Variants in ZPBP observed in about 807,000 individuals in gnomAD.
The protein encoded by ZPBP is zona pellucida-binding protein 1.
ZPBP carries 26 observed loss-of-function variants against 44.8 expected under a neutral mutation model. The observed-to-expected ratio is 0.58, with a 90% CI of 0.43 to 0.81. ZPBP has a LOEUF of 0.81. ZPBP is among the 30% of genes least tolerant of loss of function. The pLI, the probability that ZPBP is intolerant of heterozygous loss-of-function variation, is 0.00. For missense variants in ZPBP, 409 were observed against 434.0 expected, an observed-to-expected ratio of 0.94 and a Z score of 0.51; for synonymous variants, 174 against 153.2, an observed-to-expected ratio of 1.14 and a Z score of -1.00.
chr7:50,015,160 TGAA>T lies in ZPBP; in HGVS notation c.783+3077_783+3079del, dbSNP rs1334609489. On this transcript the variant is annotated intron_variant, in intron 6 of 7. Transcript: ENST00000046087. Reference sequence around the variant, plus strand: ...CAAACCAAATAAGAAACTTCTGTGCTGAAGAAGAAAGAAAGATAAACATATTGC... The same window carrying T: ...CAAACCAAATAAGAAACTTCTGTGCTGAAGAAAGAAAGATAAACATATTGC... 3.9e-5 allele frequency among the ~76,000 whole-genome samples: 6 copies of T among 151,968 alleles called. No homozygotes were observed. The South Asian group carries it at 1.0e-3, about 26-fold the overall frequency.
At chr7:49,921,503 A>G (rs1486593461) in intron 1 of ZPBP, 3 of 152,188 alleles carry the variant, frequency 2.0e-5, no homozygotes, top group Non-Finnish European at 1.5e-5. Flanking sequence ...CTGGTTATTT[A>G]TCAGGTACAC....
At chr7:49,923,038 CAACTT>C (rs1442283355) in intron 1 of ZPBP, among the ~76,000 whole-genome samples, 2 of 151,986 alleles carry the variant, frequency 1.3e-5, no homozygotes, top group Non-Finnish European at 2.9e-5. Context: ...AGATTAGAAA[CAACTT>C]AAGAGAAAAG....
intron 7 of ZPBP, among the ~76,000 whole-genome samples, chr7:49,958,640 A>G (rs1395725203): frequency 2.0e-5 from 3 of 152,196 alleles, no homozygotes; most frequent in Non-Finnish European, 4.4e-5. Context: ...GTAAGCCAAT[A>G]AATTTCTTTT....
chr7:50,058,443 G>T (rs924690876), intron 3 of ZPBP, among the ~76,000 whole-genome samples: 7 of 152,062 alleles, frequency 4.6e-5, no homozygotes, highest in Non-Finnish European at 1.0e-4. Flanking sequence ...GGCACTATCA[G>T]AAATGCAGTA....
intron 2 of ZPBP, among the ~76,000 whole-genome samples, chr7:49,898,178 G>T (rs1268661723): frequency 2.0e-5 from 3 of 151,710 alleles, no homozygotes; most frequent in African/African-American, 7.3e-5. Flanking sequence ...ATGTGTGTGT[G>T]TATATATGTG....
intron 2 of ZPBP, among the ~76,000 whole-genome samples, chr7:49,890,446 C>G (rs1792079559): frequency 6.6e-6 from 1 of 152,128 alleles, no homozygotes; most frequent in Non-Finnish European, 1.5e-5. Context: ...TGCTGTTTGA[C>G]TTTTTACAGA....
chr7:50,060,832 T>C (rs1383747341), intron 3 of ZPBP, among the ~76,000 whole-genome samples: 1 of 152,168 alleles, frequency 6.6e-6, no homozygotes, highest in Admixed American at 6.5e-5. Flanking sequence ...ATCATTCTGA[T>C]ATGAAAATCT....
chr7:50,019,661 T>G (rs1049459799), intron 5 of ZPBP, among the ~76,000 whole-genome samples: 1 of 152,100 alleles, frequency 6.6e-6, no homozygotes, highest in Non-Finnish European at 1.5e-5. Flanking sequence ...TGGGAAATCT[T>G]TATTTTGTTG....
intron 6 of ZPBP, among the ~76,000 whole-genome samples, chr7:49,988,691 C>A (rs1448628750): frequency 6.6e-6 from 1 of 152,090 alleles, no homozygotes; most frequent in African/African-American, 2.4e-5. Flanking sequence ...CTATAATCAG[C>A]CACAAAACTC....
chr7:50,048,405 G>A (rs1800497550), intron 4 of ZPBP, among the ~76,000 whole-genome samples: 1 of 152,032 alleles, frequency 6.6e-6, no homozygotes, highest in African/African-American at 2.4e-5. Context: ...CTGGCTAACA[G>A]CAGCAGAATA....
intron 2 of ZPBP, among the ~76,000 whole-genome samples, chr7:49,884,697 C>T (rs538686493): frequency 2.6e-4 from 39 of 152,250 alleles, no homozygotes; most frequent in African/African-American, 8.7e-4. Flanking sequence ...TGTGTCAACA[C>T]CTGTGAGATT....
At chr7:49,963,061 A>G (rs1795919727) in intron 7 of ZPBP, among the ~76,000 whole-genome samples, 1 of 151,748 alleles carries the variant, frequency 6.6e-6, no homozygotes, top group Non-Finnish European at 1.5e-5. Flanking sequence ...GGATTTGAAC[A>G]AACAGTTCAG....
chr7:49,893,781 G>A (rs1423242130), intron 2 of ZPBP, among the ~76,000 whole-genome samples: 2 of 152,134 alleles, frequency 1.3e-5, no homozygotes, highest in East Asian at 3.8e-4. Context: ...GTCAGAGCTG[G>A]TGCTAAGGAA....
At chr7:50,086,396 C>A (rs974895829) in intron 2 of ZPBP, among the ~76,000 whole-genome samples, 1 of 151,918 alleles carries the variant, frequency 6.6e-6, no homozygotes, top group Non-Finnish European at 1.5e-5. Flanking sequence ...GGAGAAAGAT[C>A]ATTAGGTTGA....
chr7:50,082,089 A>T (rs560120150), intron 2 of ZPBP, among the ~76,000 whole-genome samples, 190 bp from the exon 3 acceptor site: 1 of 151,852 alleles, frequency 6.6e-6, no homozygotes, highest in Non-Finnish European at 1.5e-5. Flanking sequence ...ATGTATTTGT[A>T]TGTATATATG....
At chr7:50,067,982 C>T (rs943412793) in intron 3 of ZPBP, among the ~76,000 whole-genome samples, 2 of 152,144 alleles carry the variant, frequency 1.3e-5, no homozygotes, top group African/African-American at 2.4e-5. Context: ...ACCTCTATGG[C>T]CTCCCTTTCA....
intron 5 of ZPBP, among the ~76,000 whole-genome samples, chr7:50,021,938 A>G (rs113799701): frequency 2.6e-5 from 4 of 152,304 alleles, no homozygotes; most frequent in African/African-American, 9.6e-5. Flanking sequence ...TCTTAAAAGC[A>G]GCAAGAAAGA....
chr7:49,987,037 G>A (rs570372650), intron 6 of ZPBP, among the ~76,000 whole-genome samples: 2 of 152,112 alleles, frequency 1.3e-5, no homozygotes, highest in Non-Finnish European at 2.9e-5. Flanking sequence ...GTTCAATCTT[G>A]GCTTAGGGAG....
At chr7:49,998,468 A>C (rs1412495543) in intron 6 of ZPBP, among the ~76,000 whole-genome samples, 1 of 152,240 alleles carries the variant, frequency 6.6e-6, no homozygotes, top group African/African-American at 2.4e-5. Flanking sequence ...AAAAATAAGA[A>C]ATATCATTGA....
Sources: allele counts gnomAD v4.1 joint callset (sites outside exome capture counted in the v4.1 genomes callset), GRCh38; gene constraint gnomAD v4.1.1; transcripts MANE v1.5; gene names NCBI Gene and HGNC (gene_info 2026-07-23, HGNC 2026-07-21).